The following ATAD3B variants were observed in gnomAD, a reference collection of about 807,000 sequenced individuals.
ATAD3B encodes the protein ATPase family AAA domain containing 3B, also known as ATPase family AAA domain-containing protein 3B.
A neutral mutation model predicts 70.2 loss-of-function variants in ATAD3B; 59 were observed. The observed-to-expected ratio is 0.84, with a 90% CI of 0.68 to 1.04. The LOEUF is 1.04. ATAD3B is among the 50% of genes least tolerant of loss of function. ATAD3B has a pLI of 0.00. For missense variants in ATAD3B, 961 were observed against 913.4 expected (o/e 1.05, Z -0.67); for synonymous variants, 423 against 388.6 (o/e 1.09, Z -1.04).
chr1:1,507,350 T>C, the ATAD3B span, among the ~76,000 whole-genome samples: 2 of 152,206 alleles, frequency 1.3e-5, no homozygotes, highest in Non-Finnish European at 1.5e-5. Context: ...TGTGTTTCAA[T>C]TCCTGGCTTG....
At chr1:1,503,172 C>T in the ATAD3B span, 21 of 162,908 alleles carry the variant, frequency 1.3e-4, no homozygotes, top group East Asian at 3.0e-3. Flanking sequence ...TGCAATGAGC[C>T]GAGATAGCGC....
At position 1,482,540 on chromosome 1, in the gene ATAD3B, C is replaced by T. The variant is rs368156099; in HGVS notation, c.681-5C>T. The T allele has an allele frequency of 1.7e-5, 27 of 1,613,388 alleles. No homozygotes were observed. Among genetic ancestry groups the T allele is most frequent in the African/African-American group, 6.7e-5 (5 of 74,980 alleles). On this transcript the variant is annotated splice_region_variant and splice_polypyrimidine_tract_variant and intron_variant, in intron 6 of 15. Coordinates refer to ENST00000673477, the MANE Select transcript of ATAD3B (RefSeq NM_031921.6). ...TTCCTGGTCACACCACTGCTTTCCC[C>T]GCAGGACGGCTGGCACCTTGTTTGG...
At chr1:1,506,086 A>T in the ATAD3B span, among the ~76,000 whole-genome samples, 1 of 152,018 alleles carries the variant, frequency 6.6e-6, no homozygotes, top group Non-Finnish European at 1.5e-5. Context: ...TACAAAAATC[A>T]GCCAGGCATG....
At chr1:1,483,360 G>C (rs765616593) in intron 7 of ATAD3B, 12 of 258,498 alleles carry the variant, frequency 4.6e-5, no homozygotes, top group Non-Finnish European at 9.2e-5. Flanking sequence ...CCAGCTGCTT[G>C]GGAGGCTGAG....
intron 15 of ATAD3B, among the ~76,000 whole-genome samples, chr1:1,491,454 C>T (rs1381394922): frequency 5.3e-5 from 8 of 152,022 alleles, no homozygotes; most frequent in East Asian, 1.9e-4. Context: ...TTGCTTGACC[C>T]GGGGAGTTGG....
intron 7 of ATAD3B, chr1:1,483,432 A>C (rs145241900): frequency 0.018 from 3,983 of 221,426 alleles, 102 homozygotes; most frequent in South Asian, 0.034. Context: ...GCACAATTGC[A>C]CTCCAACCTG....
intron 14 of ATAD3B, 30 bp downstream of exon 14, chr1:1,490,454 TC>T: frequency 1.9e-6 from 3 of 1,612,514 alleles, no homozygotes. Context: ...CGGCCCCCAA[TC>T]CAGGCACCAT....
chr1:1,485,923 G>A (rs1640187432), intron 9 of ATAD3B, 85 bp downstream of exon 9: 2 of 1,607,062 alleles, frequency 1.2e-6, no homozygotes, highest in African/African-American at 1.3e-5. Flanking sequence ...AGCGCTCGTG[G>A]TGGCGCCCAG....
At chr1:1,495,429 A>T in intron 15 of ATAD3B, 56 bp from the exon 16 acceptor site, 1 of 1,548,482 alleles carries the variant, frequency 6.5e-7, no homozygotes, top group Non-Finnish European at 8.7e-7. Flanking sequence ...CCTGGCGTGC[A>T]TTAAGGGTGG....
chr1:1,477,201 G>A lies in ATAD3B; in HGVS notation c.206-73G>A, dbSNP rs1021875058. 6.4e-6 allele frequency: 10 copies of A among 1,574,596 alleles called. No homozygotes were observed. In the African/African-American group the frequency reaches 8.1e-5, roughly 13 times the overall value. On this transcript the variant is annotated intron_variant, in intron 1 of 15. Transcript: ENST00000673477. ...GTTTTTGTATTTTTAGTAGAGGTTGGGTTTCACCATGTTGGCCAGGCTTTG... is the reference window on the plus strand; with the variant it reads ...GTTTTTGTATTTTTAGTAGAGGTTGAGTTTCACCATGTTGGCCAGGCTTTG...
rs371036662 is a variant in ATAD3B, at chr1:1,486,482, G to A, written c.1090-62G>A. The A allele has an allele frequency of 9.1e-5, 146 of 1,611,496 alleles. 4 individuals are homozygous for A. The East Asian group carries it at 2.4e-3, about 26-fold the overall frequency. On this transcript the variant is annotated intron_variant, in intron 10 of 15. Coordinates refer to ENST00000673477, the MANE Select transcript of ATAD3B (RefSeq NM_031921.6). The stretch of plus-strand genomic sequence containing the variant: ...AGGGGCTCCACACTCCAGGTGGAGT[G>A]TGCAGGCTTTGCAGAGGCAGAGGGA...
downstream of ATAD3B, among the ~76,000 whole-genome samples, chr1:1,498,349 G>T (rs532651174): frequency 1.3e-5 from 2 of 151,792 alleles, no homozygotes; most frequent in Non-Finnish European, 2.9e-5. Flanking sequence ...TGTGCCTGTG[G>T]TCCCAGCTTG....
chr1:1,503,700 C>G, the ATAD3B span: 1 of 1,606,526 alleles, frequency 6.2e-7, no homozygotes, highest in Non-Finnish European at 8.5e-7. Flanking sequence ...CCGGGGCGCA[C>G]ATGGGGTTCG....
chr1:1,500,740 T>C (rs1196584586), downstream of ATAD3B, among the ~76,000 whole-genome samples: 1 of 150,566 alleles, frequency 6.6e-6, no homozygotes, highest in Non-Finnish European at 1.5e-5. Context: ...GATCACGAGG[T>C]CAGGAGATCG....
intron 13 of ATAD3B, 189 bp downstream of exon 13, chr1:1,489,463 C>A: frequency 8.7e-7 from 1 of 1,155,354 alleles, no homozygotes; most frequent in Non-Finnish European, 1.2e-6. Flanking sequence ...ATGCAGGGGC[C>A]TCCCGGGCAG....
chr1:1,503,180 C>T, the ATAD3B span: 12 of 167,294 alleles, frequency 7.2e-5, no homozygotes, highest in Non-Finnish European at 1.3e-4. Context: ...GCCGAGATAG[C>T]GCCACTGCAC....
rs1482545398 is a variant in ATAD3B, at chr1:1,485,885, G to A, written c.963+47G>A. ...CGGGGAGGTGCAGGGAGGGGACCCC[G>A]GAGCTGGGCTGGGCTGTGGCCCTTG... is the stretch of plus-strand genomic sequence containing the variant. On this transcript the variant is annotated intron_variant, in intron 9 of 15. Transcript: ENST00000673477. 1.7e-5 allele frequency: 28 copies of A among 1,612,168 alleles called. 1 individual carries two copies. The highest frequency in any genetic ancestry group is 3.3e-5 in the Admixed American group (2 of 59,930).
chr1:1,494,691 G>A (rs528215651), intron 15 of ATAD3B, among the ~76,000 whole-genome samples: 2 of 152,112 alleles, frequency 1.3e-5, no homozygotes, highest in African/African-American at 2.4e-5. Flanking sequence ...CCTGCACCCC[G>A]TGAGATGAAT....
chr1:1,499,821 C>T (rs1383503426), downstream of ATAD3B, among the ~76,000 whole-genome samples: 7 of 149,240 alleles, frequency 4.7e-5, no homozygotes, highest in South Asian at 2.1e-4. Context: ...CTCGAACTCC[C>T]GACGTCAGGT....
Sources: gnomAD v4.1 joint callset for allele counts (sites outside exome capture counted in the v4.1 genomes callset) on GRCh38, gnomAD v4.1.1 for gene constraint, MANE v1.5 for transcripts, NCBI Gene and HGNC (gene_info 2026-07-23, HGNC 2026-07-21) for gene names.